Variants in AGFG2 observed in about 807,000 individuals in gnomAD.
AGFG2 encodes arf-GAP domain and FG repeat-containing protein 2.
AGFG2 carries 31 observed loss-of-function variants against 48.0 expected under a neutral mutation model. That is an observed-to-expected ratio of 0.65 (90% confidence interval 0.49 to 0.87). The LOEUF (loss-of-function observed/expected upper bound fraction) is 0.87. Ranked by LOEUF, AGFG2 falls within the 40% of genes least tolerant of loss-of-function variation. The pLI is 0.00. For synonymous variants in AGFG2, 229 were observed against 260.8 expected, an observed-to-expected ratio of 0.88 and a Z score of 1.18; for missense variants, 599 against 632.6, an observed-to-expected ratio of 0.95 and a Z score of 0.57.
rs574481641 is a variant in AGFG2 at position 100,559,771 on chromosome 7, T to C, written c.878-2488T>C. ...AGGTCGAGGCTGCAGTGAGCTGAGA[T>C]CATGCCACTGCACTCCAGCCTGGGC... On this transcript the variant is annotated intron_variant, in intron 6 of 11. Transcript: ENST00000300176. Among the ~76,000 whole-genome samples, 28 of 148,468 alleles carry C rather than the reference T, an allele frequency of 1.9e-4. 1 individual carries two copies. In the South Asian group the frequency reaches 5.9e-3, roughly 31 times the overall value.
chr7:100,555,629 A>G lies in AGFG2; in HGVS notation c.771A>G (p.Gly257=), dbSNP rs777816840. 1 of 1,613,906 alleles carries G rather than the reference A, an allele frequency of 6.2e-7. No homozygotes were observed. Among genetic ancestry groups the G allele is most frequent in the South Asian group, 1.1e-5 (1 of 91,082 alleles). The stretch of plus-strand genomic sequence containing the variant: ...CTACAGGCCAGACACCTTCCCAAGG[A>G]GGCTTTGCCAACTTTGATGCCTTTA... The part of the protein sequence containing the change: ...PAFGGQTPSQ[G]GFANFDAFSS... The change falls in exon 6 of 12, where the codon GGA becomes GGG. Residue 257 remains glycine (G), a synonymous_variant. Transcript: ENST00000300176.
At position 100,550,498 on chromosome 7, in the gene AGFG2, GAGA is replaced by G. The variant is rs1295978762; in HGVS notation, c.425_427del (p.Lys142del). ...GAAGGAGTTTCTCCAGGAAAAATATGAGAAGAAGAGATGGTAAGGAGTAGGAAA... is the reference window on the plus strand; with the variant it reads ...GAAGGAGTTTCTCCAGGAAAAATATGAGAAGAGATGGTAAGGAGTAGGAAA... On this transcript the variant is annotated inframe_deletion, in exon 3 of 12. Transcript: ENST00000300176. The G allele has an allele frequency of 6.2e-6, 10 of 1,611,272 alleles. No homozygotes were observed. Among genetic ancestry groups the G allele is most frequent in the Admixed American group, 3.3e-5 (2 of 59,976 alleles).
chr7:100,550,685 C>G (rs35579128), intron 3 of AGFG2, among the ~76,000 whole-genome samples, 174 bp downstream of exon 3: 4 of 152,062 alleles, frequency 2.6e-5, no homozygotes. Context: ...ACAACTTGTT[C>G]TCAGTCACTA....
Position 100,539,423 on chromosome 7 carries a change from C to G in AGFG2, c.77C>G (p.Ser26Trp). 2.3e-6 allele frequency: 3 copies of G among 1,317,620 alleles called. No homozygotes were observed. Among genetic ancestry groups the G allele is most frequent in the Non-Finnish European group, 2.9e-6 (3 of 1,030,268 alleles). 81.6% of individuals were successfully genotyped at this position (1,317,620 alleles called of 1,614,324 possible). A position where few individuals can be genotyped will look rare whatever the true frequency, so the allele number is the denominator to read the frequency against. Reference sequence around the variant, plus strand: ...GGCAAGGCGGAGGCGGAGGCGGCCTCGGAGGTGTGGTGCCGTCGGGTGCGG... The same window carrying G: ...GGCAAGGCGGAGGCGGAGGCGGCCTGGGAGGTGTGGTGCCGTCGGGTGCGG... Reference protein sequence around the residue: ...SGGKAEAEAASEVWCRRVREL... With the variant: ...SGGKAEAEAAWEVWCRRVREL... The change falls in exon 1 of 12, where the codon TCG becomes TGG. Residue 26 changes from serine (S) to tryptophan (W), a missense_variant. Transcript: ENST00000300176.
At chr7:100,554,281 C>T in intron 5 of AGFG2, 23 bp downstream of exon 5, 9 of 1,603,704 alleles carry the variant, frequency 5.6e-6, no homozygotes, top group Non-Finnish European at 7.7e-6. Flanking sequence ...TGGGATGGGA[C>T]CCTCCCTACA....
At chr7:100,553,015 A>G (rs1231589198) in intron 3 of AGFG2, among the ~76,000 whole-genome samples, 1 of 152,014 alleles carries the variant, frequency 6.6e-6, no homozygotes, top group Non-Finnish European at 1.5e-5. Context: ...CAGGCATGGT[A>G]GCATGTACTT....
At position 100,539,529 on chromosome 7, in the gene AGFG2, C is replaced by T; in HGVS notation, c.183C>T (p.Thr61=). ...AQRGVTYVDI[T]VGSFVCTTCS... Reference sequence around the variant, plus strand: ...GCGGGGTCACCTACGTGGATATCACCGTGGGCAGCTTCGTGTGCACCACCT... The same window carrying T: ...GCGGGGTCACCTACGTGGATATCACTGTGGGCAGCTTCGTGTGCACCACCT... The change falls in exon 1 of 12, where the codon ACC becomes ACT. Residue 61 remains threonine, a synonymous_variant. Coordinates refer to ENST00000300176, the MANE Select transcript of AGFG2 (RefSeq NM_006076.5). The T allele has an allele frequency of 4.5e-6, 5 of 1,113,478 alleles. No individual in the cohort carries two copies. Among genetic ancestry groups the T allele is most frequent in the East Asian group, 1.2e-4 (2 of 17,180 alleles). 69.0% of individuals were successfully genotyped at this position (1,113,478 alleles called of 1,614,324 possible). A position where few individuals can be genotyped will look rare whatever the true frequency, so the allele number is the denominator to read the frequency against.
intron 3 of AGFG2, among the ~76,000 whole-genome samples, chr7:100,551,171 G>A (rs1344322856): frequency 6.8e-6 from 1 of 146,568 alleles, no homozygotes; most frequent in Non-Finnish European, 1.5e-5. Flanking sequence ...CCAGGTTCAC[G>A]CCATTCTCCT....
Position 100,548,863 on chromosome 7 carries a change from T to C in AGFG2, c.263T>C (p.Met88Thr), listed in dbSNP as rs1800566402. ...NPPHRVKSIS[M>T]TTFTEPEVVF... ...CCTCATCGTGTCAAGTCAATCTCCATGACAACTTTCACTGAGCCTGAAGTA... is the reference window on the plus strand; with the variant it reads ...CCTCATCGTGTCAAGTCAATCTCCACGACAACTTTCACTGAGCCTGAAGTA... Residue 88 changes from methionine (M) to threonine (T), a missense_variant, in exon 2 of 12, where the codon ATG becomes ACG. Met to Thr is a moderately conservative substitution (Grantham distance 81). Coordinates refer to ENST00000300176, the MANE Select transcript of AGFG2 (RefSeq NM_006076.5). The C allele has an allele frequency of 1.9e-6, 3 of 1,613,680 alleles. No individual in the cohort carries two copies. The South Asian group carries it at 3.3e-5, about 18-fold the overall frequency.
rs1452796143 is a variant in AGFG2, at chr7:100,551,069, TC to T, written c.431+559del. Among the ~76,000 whole-genome samples the T allele has an allele frequency of 3.2e-3, 337 of 105,990 alleles. 17 individuals carry two copies. Among genetic ancestry groups the T allele is most frequent in the African/African-American group, 8.8e-3 (235 of 26,678 alleles). 69.5% of individuals were successfully genotyped at this position (105,990 alleles called of 152,430 possible). A position where few individuals can be genotyped will look rare whatever the true frequency, so the allele number is the denominator to read the frequency against. ...ATATATATATATATATATATATATTTCTTTTTTTTTTTTTTTTTGAGACAGA... is the reference window on the plus strand; with the variant it reads ...ATATATATATATATATATATATATTTTTTTTTTTTTTTTTTTTGAGACAGA... On this transcript the variant is annotated intron_variant, in intron 3 of 11. Transcript: ENST00000300176.
intron 5 of AGFG2, 48 bp from the exon 6 acceptor site, chr7:100,555,562 C>A (rs1434979984): frequency 1.1e-5 from 17 of 1,586,378 alleles, no homozygotes; most frequent in Middle Eastern, 1.7e-4. Flanking sequence ...CGTGAGCTAC[C>A]ACACCCGACA....
At chr7:100,558,535 TTTTG>T (rs1800802282) in intron 6 of AGFG2, among the ~76,000 whole-genome samples, 3 of 150,494 alleles carry the variant, frequency 2.0e-5, no homozygotes, top group Admixed American at 1.3e-4. Context: ...TTTTTTTTGT[TTTTG>T]TTTTTGTTTT....
At chr7:100,539,592 G>C in intron 1 of AGFG2, 25 bp downstream of exon 1, 1 of 1,232,940 alleles carries the variant, frequency 8.1e-7, no homozygotes, top group Non-Finnish European at 1.0e-6. Context: ...GGGAGTGGCC[G>C]AGGTCGGCGT....
At position 100,549,042 on chromosome 7, in the gene AGFG2, A is replaced by T. The variant is rs965674580; in HGVS notation, c.315+127A>T. 32 of 720,336 alleles carry T rather than the reference A, an allele frequency of 4.4e-5. No individual in the cohort carries two copies. The African/African-American group carries it at 5.0e-4, about 11-fold the overall frequency. 44.6% of individuals were successfully genotyped at this position (720,336 alleles called of 1,614,324 possible). On this transcript the variant is annotated intron_variant, in intron 2 of 11. Coordinates refer to ENST00000300176, the MANE Select transcript of AGFG2 (RefSeq NM_006076.5). ...TTCTCTTAATTTTTTCATATGTATG[A>T]TTTCTTTCCTTAGGTATATTTACAG...
chr7:100,550,849 CCCATCAT>C (rs1250842413), intron 3 of AGFG2, among the ~76,000 whole-genome samples: 1 of 150,216 alleles, frequency 6.7e-6, no homozygotes, highest in Non-Finnish European at 1.5e-5. Context: ...ATTCCTTTAA[CCCATCAT>C]TTTATGATTT....
intron 6 of AGFG2, among the ~76,000 whole-genome samples, chr7:100,557,102 G>A (rs2131117650): frequency 6.6e-6 from 1 of 151,968 alleles, no homozygotes; most frequent in South Asian, 2.1e-4. Context: ...GGGGACTGAG[G>A]CAGGAGAATC....
At position 100,562,105 on chromosome 7, in the gene AGFG2, G is replaced by A. The variant is rs560511793; in HGVS notation, c.878-154G>A. On this transcript the variant is annotated intron_variant, in intron 6 of 11. Transcript: ENST00000300176. The surrounding 1 kb of genome is among the most constrained non-coding windows in gnomAD (Gnocchi z 5.4). ...GGAGACAAGACCTCCTGAACTGGGT[G>A]GTCCCTGAGAAAATGGGCTGCCTCA... Among the ~76,000 whole-genome samples the A allele has an allele frequency of 7.2e-5, 11 of 152,048 alleles. No homozygotes were observed. The South Asian group carries it at 2.3e-3, about 32-fold the overall frequency.
At chr7:100,545,549 G>A (rs1007999413) in intron 1 of AGFG2, among the ~76,000 whole-genome samples, 3 of 152,204 alleles carry the variant, frequency 2.0e-5, no homozygotes, top group African/African-American at 7.2e-5. Flanking sequence ...TGACTGGCTG[G>A]AGGCTTGAGT....
In AGFG2 at chr7:100,562,333, G is replaced by C. The variant is rs1441155786; in HGVS notation, c.952G>C (p.Gly318Arg). 1 of 1,614,114 alleles carries C rather than the reference G, an allele frequency of 6.2e-7. No individual in the cohort carries two copies. Among genetic ancestry groups the C allele is most frequent in the Admixed American group, 1.7e-5 (1 of 60,028 alleles). Residue 318 changes from glycine to arginine, a missense_variant, in exon 7 of 12, where the codon GGC (glycine) becomes CGC (arginine). Physicochemically the swap from Gly to Arg is moderately radical, Grantham distance 125 (BLOSUM62 -2). Coordinates refer to ENST00000300176, the MANE Select transcript of AGFG2 (RefSeq NM_006076.5). The surrounding 1 kb of genome is among the most constrained non-coding windows in gnomAD (Gnocchi z 5.4). ...ASQPNSLADV[G>R]SFLGPGVPAA... ...TCAGCCAAACAGCCTCGCAGACGTG[G>C]GCAGCTTCCTGGGACCCGGGGTGCC...
Sources: gnomAD v4.1 joint callset for allele counts (sites outside exome capture counted in the v4.1 genomes callset) on GRCh38, gnomAD v4.1.1 for gene constraint, Gnocchi (gnomAD v3.1) non-coding constraint, MANE v1.5 for transcripts, NCBI Gene and HGNC (gene_info 2026-07-23, HGNC 2026-07-21) for gene names.